Variants in PKP4 observed in about 807,000 individuals in gnomAD.
PKP4 encodes the protein plakophilin-4.
In PKP4, 90 loss-of-function variants were observed where a neutral mutation model predicts 145.1. The ratio of observed to expected loss-of-function variants is 0.62; its 90% CI spans 0.52 to 0.74. The LOEUF (loss-of-function observed/expected upper bound fraction) is 0.74, where lower values mean the gene tolerates loss of function less well. Among genes scored for constraint, PKP4 ranks in the 30% least tolerant of loss-of-function variants. PKP4 has a pLI of 0.00. For missense variants in PKP4, 1,340 were observed against 1,482.7 expected (o/e 0.90, Z 1.58); for synonymous variants, 563 against 577.2 (o/e 0.98, Z 0.35).
chr2:158,489,978 A>G (rs1184399794), intron 1 of PKP4, among the ~76,000 whole-genome samples: 1 of 152,138 alleles, frequency 6.6e-6, no homozygotes, highest in Non-Finnish European at 1.5e-5. Flanking sequence ...TAACAGTGTG[A>G]ATCATTTTTC....
rs1261629962 is a variant in PKP4, at chr2:158,590,336, T to TGA, written c.246-12733_246-12732insAG. Among the ~76,000 whole-genome samples, 4 of 150,582 alleles carry TGA rather than the reference T, an allele frequency of 2.7e-5. No individual in the cohort carries two copies. The South Asian group carries it at 6.3e-4, about 24-fold the overall frequency. ...GAGTGTGTGTGTGTGTGTGTGTGTG[T>TGA]GTGTGTGTGTGTGTGTGTGTGTATT... On this transcript the variant is annotated intron_variant, in intron 3 of 21. Transcript: ENST00000389759.
intron 1 of PKP4, among the ~76,000 whole-genome samples, chr2:158,489,403 A>G (rs1331528830): frequency 6.6e-6 from 1 of 152,068 alleles, no homozygotes; most frequent in Non-Finnish European, 1.5e-5. Flanking sequence ...CCTATCAATA[A>G]CCCTTCTCAG....
intron 2 of PKP4, among the ~76,000 whole-genome samples, chr2:158,564,105 G>A (rs2105746071): frequency 6.6e-6 from 1 of 151,978 alleles, no homozygotes; most frequent in South Asian, 2.1e-4. Context: ...TAATATAAAA[G>A]TGTAAATAAT....
intron 1 of PKP4, among the ~76,000 whole-genome samples, chr2:158,494,584 T>C (rs992863304): frequency 2.0e-5 from 3 of 152,202 alleles, no homozygotes; most frequent in Non-Finnish European, 4.4e-5. Context: ...TATTCAGTTA[T>C]TTAGGTTTTT....
intron 11 of PKP4, among the ~76,000 whole-genome samples, chr2:158,653,249 T>G (rs75497584): frequency 6.6e-4 from 1 of 1,526 alleles, no homozygotes; most frequent in African/African-American, 1.3e-3. Flanking sequence ...ATGTTTTGTT[T>G]TTTTTAATAT....
intron 4 of PKP4, 88 bp downstream of exon 4, chr2:158,603,192 G>A (rs1236045646): frequency 1.5e-6 from 1 of 687,878 alleles, no homozygotes; most frequent in Non-Finnish European, 2.4e-6. Flanking sequence ...GGTGAAATAA[G>A]CCAAGCAAAG....
At chr2:158,663,894 C>T (rs2056841770) in intron 15 of PKP4, among the ~76,000 whole-genome samples, 3 of 152,160 alleles carry the variant, frequency 2.0e-5, no homozygotes, top group Admixed American at 2.0e-4. Flanking sequence ...TGGAAGGAGC[C>T]ATCCAGATAA....
intron 2 of PKP4, among the ~76,000 whole-genome samples, chr2:158,547,271 C>T (rs1447725538): frequency 6.6e-6 from 1 of 152,124 alleles, no homozygotes; most frequent in East Asian, 1.9e-4. Flanking sequence ...AACTAGAAAC[C>T]ACTTAATTAT....
chr2:158,632,906 T>C (rs975971519), intron 8 of PKP4, among the ~76,000 whole-genome samples: 2 of 152,234 alleles, frequency 1.3e-5, no homozygotes, highest in Admixed American at 6.5e-5. Context: ...GAAATAGATA[T>C]TGTTTAAAAT....
intron 10 of PKP4, 50 bp downstream of exon 10, chr2:158,640,809 T>G (rs1438172457): frequency 6.3e-7 from 1 of 1,598,068 alleles, no homozygotes; most frequent in Non-Finnish European, 8.6e-7. Context: ...GCCTTTGCAT[T>G]TAACAGCCAC....
chr2:158,674,098 A>G, intron 19 of PKP4, 98 bp downstream of exon 19: 1 of 786,366 alleles, frequency 1.3e-6, no homozygotes, highest in Non-Finnish European at 2.3e-6. Flanking sequence ...TAAGCCTGTC[A>G]TCTCCAACAC....
At chr2:158,664,529 T>C (rs2056902279) in intron 15 of PKP4, among the ~76,000 whole-genome samples, 1 of 152,192 alleles carries the variant, frequency 6.6e-6, no homozygotes, top group Admixed American at 6.5e-5. Context: ...TCCCCCACCT[T>C]AACCCCCCAA....
At chr2:158,483,289 A>C (rs1693640720) in intron 1 of PKP4, among the ~76,000 whole-genome samples, 1 of 150,706 alleles carries the variant, frequency 6.6e-6, no homozygotes, top group African/African-American at 2.4e-5. Flanking sequence ...CCCAATTTCT[A>C]ATGCTTTTCT....
chr2:158,670,615 C>T (rs192980935), intron 17 of PKP4, among the ~76,000 whole-genome samples: 71 of 152,306 alleles, frequency 4.7e-4, no homozygotes, highest in Non-Finnish European at 2.2e-4. Context: ...CCCTTGTGCC[C>T]TTGTCTCTCT....
At chr2:158,679,868 A>T (rs1355083865) in intron 21 of PKP4, among the ~76,000 whole-genome samples, 1 of 152,214 alleles carries the variant, frequency 6.6e-6, no homozygotes, top group Non-Finnish European at 1.5e-5. Context: ...CTTACAGCAG[A>T]GTTTCCAAAG....
intron 2 of PKP4, among the ~76,000 whole-genome samples, chr2:158,564,161 GA>G (rs1383542725): frequency 6.6e-6 from 1 of 151,798 alleles, no homozygotes; most frequent in African/African-American, 2.4e-5. Flanking sequence ...AGTATAAATA[GA>G]TTGGTCACCC....
intron 3 of PKP4, among the ~76,000 whole-genome samples, chr2:158,592,369 C>G (rs980062030): frequency 3.3e-5 from 5 of 152,034 alleles, no homozygotes; most frequent in African/African-American, 1.2e-4. Context: ...TGGGTCCACT[C>G]TTTTTCCAGG....
intron 2 of PKP4, among the ~76,000 whole-genome samples, chr2:158,534,710 CTGTT>C (rs1468829724): frequency 6.6e-6 from 1 of 152,122 alleles, no homozygotes; most frequent in Non-Finnish European, 1.5e-5. Context: ...ATGGGAATGT[CTGTT>C]TGTACCTTGA....
intron 1 of PKP4, among the ~76,000 whole-genome samples, chr2:158,497,114 A>C (rs977755375): frequency 6.6e-6 from 1 of 152,198 alleles, no homozygotes; most frequent in Admixed American, 6.5e-5. Flanking sequence ...AAGATGAATC[A>C]GGTTCTTTAG....
Sources: allele counts gnomAD v4.1 joint callset (sites outside exome capture counted in the v4.1 genomes callset), GRCh38; gene constraint gnomAD v4.1.1; transcripts MANE v1.5; gene names NCBI Gene and HGNC (gene_info 2026-07-23, HGNC 2026-07-21).